MAP2: variants seen among roughly 807,000 people sequenced by gnomAD.
The protein encoded by MAP2 is microtubule associated protein 2, also known as microtubule-associated protein 2.
Under a neutral mutation model 137.6 loss-of-function variants are expected in MAP2, and 14 were observed. The observed-to-expected ratio is 0.10, with a 90% CI of 0.07 to 0.16. MAP2 has a LOEUF of 0.16. Ranked by LOEUF, MAP2 falls within the 10% of genes least tolerant of loss-of-function variation. The probability of loss-of-function intolerance (pLI) is 1.00; values close to 1 mark genes in which losing one functional copy is unlikely to be tolerated. For synonymous variants in MAP2, 786 were observed against 782.3 expected (o/e 1.00, Z -0.08); for missense variants, 2,088 against 2,191.5 (o/e 0.95, Z 0.94).
intron 1 of MAP2, among the ~76,000 whole-genome samples, chr2:209,474,827 A>G (rs1706763719): frequency 6.6e-6 from 1 of 152,114 alleles, no homozygotes; most frequent in African/African-American, 2.4e-5. Flanking sequence ...CAAACAATTT[A>G]AATCTATAAA....
intron 4 of MAP2, among the ~76,000 whole-genome samples, chr2:209,644,287 G>C (rs2094248297): frequency 6.6e-6 from 1 of 152,006 alleles, no homozygotes; most frequent in Non-Finnish European, 1.5e-5. Context: ...ATGATTACTA[G>C]ACCTCTATCA....
At chr2:209,627,254 C>G (rs1200514198) in intron 4 of MAP2, among the ~76,000 whole-genome samples, 2 of 151,756 alleles carry the variant, frequency 1.3e-5, no homozygotes, top group African/African-American at 4.8e-5. Context: ...AATTTTTTTT[C>G]AAAATGTTTT....
intron 4 of MAP2, among the ~76,000 whole-genome samples, chr2:209,635,935 G>A (rs1257365755): frequency 6.6e-6 from 1 of 152,150 alleles, no homozygotes; most frequent in Non-Finnish European, 1.5e-5. Flanking sequence ...GTGAGATTAA[G>A]TAGCCAGCAA....
chr2:209,651,169 C>A (rs1186877741), intron 4 of MAP2, among the ~76,000 whole-genome samples: 1 of 152,150 alleles, frequency 6.6e-6, no homozygotes, highest in Non-Finnish European at 1.5e-5. Context: ...AAGAAAATGG[C>A]AGAATGGAGT....
At chr2:209,463,193 T>TA (rs1158722308) in intron 1 of MAP2, among the ~76,000 whole-genome samples, 2 of 152,164 alleles carry the variant, frequency 1.3e-5, no homozygotes, top group South Asian at 2.1e-4. Context: ...TACTGAGTCT[T>TA]ATAGTGTCAT....
At chr2:209,467,295 A>G (rs1443282485) in intron 1 of MAP2, among the ~76,000 whole-genome samples, 1 of 152,144 alleles carries the variant, frequency 6.6e-6, no homozygotes, top group Non-Finnish European at 1.5e-5. Context: ...TTTGTCCTAC[A>G]TAATATACCG....
Position 209,692,872 on chromosome 2 carries a change from G to A in MAP2, c.702G>A (p.Leu234=). 6.2e-7 allele frequency: 1 copy of A among 1,613,952 alleles called. No individual in the cohort carries two copies. The highest frequency in any genetic ancestry group is 2.2e-5 in the East Asian group (1 of 44,866). The change falls in exon 8 of 16, where the codon CTG becomes CTA. Residue 234 remains leucine, a synonymous_variant. Transcript: ENST00000682079. ...TTGGGCACACTCTTGTTGCCAGCCT[G>A]GAAGACATGAAACAGAAGACAGAAC... ...ALFGHTLVAS[L]EDMKQKTEPS... is the part of the protein sequence containing the mutation.
chr2:209,456,773 T>C (rs1175511117), intron 1 of MAP2, among the ~76,000 whole-genome samples: 3 of 152,228 alleles, frequency 2.0e-5, no homozygotes, highest in Non-Finnish European at 4.4e-5. Flanking sequence ...TATGAAACAG[T>C]GTGCCTTCTT....
chr2:209,633,906 T>C (rs1003924374), intron 4 of MAP2, among the ~76,000 whole-genome samples: 2 of 152,192 alleles, frequency 1.3e-5, no homozygotes, highest in East Asian at 1.9e-4. Flanking sequence ...TTCTGTTTTT[T>C]ACCATCTCAG....
At chr2:209,523,307 A>G (rs773947596) in intron 2 of MAP2, among the ~76,000 whole-genome samples, 1 of 152,154 alleles carries the variant, frequency 6.6e-6, no homozygotes, top group Non-Finnish European at 1.5e-5. Flanking sequence ...CAGAGACCAC[A>G]CATGGCTTGT....
At chr2:209,481,390 A>G (rs1470807605) in intron 1 of MAP2, among the ~76,000 whole-genome samples, 2 of 152,194 alleles carry the variant, frequency 1.3e-5, no homozygotes, top group Admixed American at 1.3e-4. Context: ...CCAACTACTG[A>G]GCTTTCTCTA....
chr2:209,582,909 T>C (rs527781097), intron 3 of MAP2, among the ~76,000 whole-genome samples: 1 of 152,106 alleles, frequency 6.6e-6, no homozygotes, highest in Non-Finnish European at 1.5e-5. Context: ...AAGTGTGGTC[T>C]CCATTTTACA....
At chr2:209,598,321 C>G (rs1298076131) in intron 3 of MAP2, among the ~76,000 whole-genome samples, 1 of 152,056 alleles carries the variant, frequency 6.6e-6, no homozygotes, top group Non-Finnish European at 1.5e-5. Context: ...CTGTCCTATT[C>G]TTAACTTGAA....
chr2:209,510,763 G>A (rs2061631958), intron 2 of MAP2, among the ~76,000 whole-genome samples: 2 of 152,020 alleles, frequency 1.3e-5, no homozygotes, highest in African/African-American at 2.4e-5. Flanking sequence ...ATAGAATGAC[G>A]AGGTAATGTT....
intron 2 of MAP2, among the ~76,000 whole-genome samples, chr2:209,528,905 CACAT>C (rs1350178317): frequency 7.3e-6 from 1 of 137,748 alleles, no homozygotes; most frequent in African/African-American, 2.7e-5. Context: ...TATATATACA[CACAT>C]ATATACACAC....
At chr2:209,719,423 A>G (rs1185281177) in intron 13 of MAP2, among the ~76,000 whole-genome samples, 2 of 152,236 alleles carry the variant, frequency 1.3e-5, no homozygotes, top group Admixed American at 1.3e-4. Flanking sequence ...TCAAGTTGAC[A>G]TTGGGATGAA....
chr2:209,430,317 C>T (rs1383530810), intron 1 of MAP2, among the ~76,000 whole-genome samples: 1 of 151,604 alleles, frequency 6.6e-6, no homozygotes, highest in Non-Finnish European at 1.5e-5. Context: ...TCTCAGCCTG[C>T]TAATTTTGTC....
chr2:209,532,736 T>A (rs16843053), intron 2 of MAP2, among the ~76,000 whole-genome samples: 4,212 of 152,246 alleles, frequency 0.028, 194 homozygotes, highest in African/African-American at 0.096. Context: ...CAAAATAACC[T>A]CCTGTTCCTC....
chr2:209,584,210 G>T (rs981695964), intron 3 of MAP2, among the ~76,000 whole-genome samples: 5 of 152,032 alleles, frequency 3.3e-5, no homozygotes, highest in Admixed American at 6.6e-5. Context: ...ATTGGAATGG[G>T]ACTCAACAGG....
Sources: allele counts gnomAD v4.1 joint callset (sites outside exome capture counted in the v4.1 genomes callset), GRCh38; gene constraint gnomAD v4.1.1; transcripts MANE v1.5; gene names NCBI Gene and HGNC (gene_info 2026-07-23, HGNC 2026-07-21).